TRPM8: variants seen among roughly 807,000 people sequenced by gnomAD.
TRPM8 encodes the protein TRPM8 cationic channel.
In TRPM8, 110 loss-of-function variants were observed where a neutral mutation model predicts 133.7. The ratio of observed to expected loss-of-function variants is 0.82; its 90% CI spans 0.70 to 0.96. The LOEUF (loss-of-function observed/expected upper bound fraction) is 0.96. TRPM8 is among the 40% of genes least tolerant of loss of function. The pLI is 0.00. For synonymous variants in TRPM8, 535 were observed against 532.3 expected (o/e 1.01, Z -0.07); for missense variants, 1,291 against 1,379.5 (o/e 0.94, Z 1.02).
chr2:233,965,396 G>C (rs1691542585), intron 14 of TRPM8, among the ~76,000 whole-genome samples: 1 of 152,184 alleles, frequency 6.6e-6, no homozygotes, highest in African/African-American at 2.4e-5. Flanking sequence ...TGCTCTCCTG[G>C]CATGTCTCAG....
In TRPM8 at chr2:233,954,025, T is replaced by C. The variant is rs190557049; in HGVS notation, c.1243+6T>C. The C allele has an allele frequency of 2.5e-3, 3,952 of 1,577,602 alleles. 28 individuals carry two copies. Among genetic ancestry groups the C allele is most frequent in the Middle Eastern group, 0.011 (63 of 5,946 alleles). ...CTCCTACGCTCTATACAAAGGTGAG[T>C]AAAAATAGCTCCTTTTGAAGTGTCA... On this transcript the variant is annotated splice_donor_region_variant and intron_variant, in intron 10 of 25. Coordinates refer to ENST00000324695, the MANE Select transcript of TRPM8 (RefSeq NM_024080.5).
chr2:233,975,960 G>C (rs1197013387), intron 17 of TRPM8, among the ~76,000 whole-genome samples: 1 of 152,218 alleles, frequency 6.6e-6, no homozygotes, highest in Non-Finnish European at 1.5e-5. Context: ...ATCTGAGAGA[G>C]AGGACTTGTT....
At chr2:233,967,979 T>A (rs1469794675) in intron 15 of TRPM8, among the ~76,000 whole-genome samples, 2 of 152,112 alleles carry the variant, frequency 1.3e-5, no homozygotes, top group Admixed American at 1.3e-4. Context: ...TTCATTTCAC[T>A]GAAAATCTTA....
At chr2:233,995,862 T>C (rs1018010604) in intron 21 of TRPM8, among the ~76,000 whole-genome samples, 20 of 152,084 alleles carry the variant, frequency 1.3e-4, no homozygotes, top group Non-Finnish European at 7.4e-5. Context: ...AGTAAAGTCA[T>C]TGGGTCAAAG....
chr2:233,960,689 A>C, intron 11 of TRPM8, 87 bp from the exon 12 acceptor site: 1 of 974,672 alleles, frequency 1.0e-6, no homozygotes, highest in Non-Finnish European at 1.6e-6. Context: ...CTGGAAATAC[A>C]GTGCTACTGA....
At chr2:233,944,287 A>C (rs1345963151) in intron 6 of TRPM8, among the ~76,000 whole-genome samples, 1 of 152,214 alleles carries the variant, frequency 6.6e-6, no homozygotes, top group Non-Finnish European at 1.5e-5. Context: ...TGGCAGGCTA[A>C]ATGGGAAAGA....
At chr2:233,975,250 T>C (rs1266641795) in intron 17 of TRPM8, among the ~76,000 whole-genome samples, 3 of 152,166 alleles carry the variant, frequency 2.0e-5, no homozygotes, top group Non-Finnish European at 4.4e-5. Context: ...TTTTAGTAAA[T>C]GCATTGATGA....
Position 233,979,151 on chromosome 2 carries a change from C to T in TRPM8, c.2356-1037C>T, listed in dbSNP as rs192907398. On this transcript the variant is annotated intron_variant, in intron 17 of 25. Coordinates refer to ENST00000324695, the MANE Select transcript of TRPM8 (RefSeq NM_024080.5). ...TCCTATTGGTGAGTTCATTTAGTAA[C>T]ATTAAGAAGTGCCCTCTTGCTTTGG... Among the ~76,000 whole-genome samples the T allele has an allele frequency of 1.5e-3, 230 of 152,280 alleles. 1 individual carries two copies. Among genetic ancestry groups the T allele is most frequent in the African/African-American group, 5.4e-3 (223 of 41,560 alleles).
intron 17 of TRPM8, among the ~76,000 whole-genome samples, chr2:233,972,021 G>T (rs1427771803): frequency 6.6e-6 from 1 of 152,178 alleles, no homozygotes; most frequent in Non-Finnish European, 1.5e-5. Flanking sequence ...AGATTAACTA[G>T]ATACAGAGTG....
In TRPM8 at chr2:233,950,069, AAGG is replaced by A; in HGVS notation, c.1066_1068del (p.Glu356del). Reference sequence around the variant, plus strand: ...GGATGCCCTGACATCTTCTGCCGTCAAGGAGAAGCTGGTGCGCTTTTTACCCCG... The same window carrying A: ...GGATGCCCTGACATCTTCTGCCGTCAAGAAGCTGGTGCGCTTTTTACCCCG... On this transcript the variant is annotated inframe_deletion, in exon 9 of 26. Transcript: ENST00000324695. 6.2e-7 allele frequency: 1 copy of A among 1,614,104 alleles called. No homozygotes were observed. Among genetic ancestry groups the A allele is most frequent in the Non-Finnish European group, 8.5e-7 (1 of 1,180,034 alleles).
intron 6 of TRPM8, among the ~76,000 whole-genome samples, chr2:233,945,094 T>A (rs2125112157): frequency 6.6e-6 from 1 of 152,304 alleles, no homozygotes; most frequent in Middle Eastern, 3.4e-3. Flanking sequence ...ATTTTTTCCT[T>A]CTGTTCTCCT....
Position 233,953,943 on chromosome 2 carries a change from C to T in TRPM8, c.1167C>T (p.His389=), listed in dbSNP as rs775838484. The T allele has an allele frequency of 4.3e-6, 7 of 1,613,636 alleles. No homozygotes were observed. The Admixed American group carries it at 5.0e-5, about 12-fold the overall frequency. ...KWLKEILECS[H]LLTVIKMEEA... ...TCAAAGAAATTCTCGAATGTTCTCA[C>T]CTATTAACAGTTATTAAAATGGAAG... The change falls in exon 10 of 26, where the codon CAC becomes CAT. Residue 389 remains histidine (H), a synonymous_variant. Transcript: ENST00000324695.
chr2:234,006,760 C>T, intron 22 of TRPM8, 93 bp from the exon 23 acceptor site: 1 of 886,686 alleles, frequency 1.1e-6, no homozygotes, highest in South Asian at 1.5e-5. Context: ...ATTCTTAGTT[C>T]TAGAGTCTCA....
At chr2:233,964,886 C>A in intron 14 of TRPM8, 129 bp downstream of exon 14, 1 of 932,930 alleles carries the variant, frequency 1.1e-6, no homozygotes, top group Non-Finnish European at 1.5e-6. Flanking sequence ...TGATTGAGGG[C>A]TGCAGACCAC....
chr2:233,971,523 G>T (rs567582240), intron 17 of TRPM8, among the ~76,000 whole-genome samples: 1 of 152,178 alleles, frequency 6.6e-6, no homozygotes, highest in Non-Finnish European at 1.5e-5. Flanking sequence ...GATGGGGAAT[G>T]GAGCTGGGAT....
intron 21 of TRPM8, among the ~76,000 whole-genome samples, chr2:233,994,376 G>C (rs1198310402): frequency 6.6e-6 from 1 of 152,224 alleles, no homozygotes; most frequent in East Asian, 1.9e-4. Context: ...ATACATCCCA[G>C]TCCTGGCTGT....
intron 17 of TRPM8, among the ~76,000 whole-genome samples, chr2:233,971,246 G>A (rs918359176): frequency 6.6e-5 from 10 of 152,144 alleles, no homozygotes; most frequent in African/African-American, 2.2e-4. Context: ...GATCTGGAGG[G>A]GGCAAAGAGT....
At chr2:233,967,444 T>TA (rs933867905) in intron 15 of TRPM8, among the ~76,000 whole-genome samples, 2 of 152,204 alleles carry the variant, frequency 1.3e-5, no homozygotes, top group Admixed American at 1.3e-4. Context: ...TGCTATACAC[T>TA]AGGCCACATT....
At chr2:234,009,937 TA>T (rs1203850498) in intron 24 of TRPM8, among the ~76,000 whole-genome samples, 3 of 152,300 alleles carry the variant, frequency 2.0e-5, no homozygotes, top group African/African-American at 4.8e-5. Context: ...ATTAACATCG[TA>T]TTACTTCTAC....
Sources: gnomAD v4.1 joint callset for allele counts (sites outside exome capture counted in the v4.1 genomes callset) on GRCh38, gnomAD v4.1.1 for gene constraint, MANE v1.5 for transcripts, NCBI Gene and HGNC (gene_info 2026-07-23, HGNC 2026-07-21) for gene names.